DAGLB: variants seen among roughly 807,000 people sequenced by gnomAD.
DAGLB encodes the protein diacylglycerol lipase beta.
Under a neutral mutation model 72.1 loss-of-function variants are expected in DAGLB, and 66 were observed. The observed-to-expected ratio is 0.92, with a 90% CI of 0.75 to 1.12. DAGLB has a LOEUF of 1.12. Ranked by LOEUF, DAGLB falls within the 50% of genes most tolerant of loss-of-function variation. The pLI is 0.00. For synonymous variants in DAGLB, 414 were observed against 359.5 expected, an observed-to-expected ratio of 1.15 and a Z score of -1.71; for missense variants, 1,065 against 884.9, an observed-to-expected ratio of 1.20 and a Z score of -2.58.
At chr7:6,447,085 C>A (rs988146516) in intron 1 of DAGLB, among the ~76,000 whole-genome samples, 1 of 152,202 alleles carries the variant, frequency 6.6e-6, no homozygotes, top group Non-Finnish European at 1.5e-5. Flanking sequence ...GCAATCCTCC[C>A]GTCTCAGCCT....
chr7:6,441,951 C>T (rs1784848765), intron 2 of DAGLB, among the ~76,000 whole-genome samples: 1 of 152,082 alleles, frequency 6.6e-6, no homozygotes, highest in Admixed American at 6.6e-5. Flanking sequence ...CCTCCATCTC[C>T]TTGTGCTTCT....
At chr7:6,436,229 A>G (rs1231935215) in intron 3 of DAGLB, 133 bp downstream of exon 3, 1 of 1,143,360 alleles carries the variant, frequency 8.7e-7, no homozygotes, top group Non-Finnish European at 1.2e-6. Flanking sequence ...TTCATGAGTT[A>G]CGCAGAAACT....
chr7:6,413,831 T>C (rs1245047315), intron 11 of DAGLB, among the ~76,000 whole-genome samples: 5 of 152,090 alleles, frequency 3.3e-5, no homozygotes, highest in Admixed American at 3.3e-4. Context: ...TGTGTGCCAC[T>C]GCGGGGTCAT....
rs1583276763 is a variant in DAGLB at position 6,410,385 on chromosome 7, G to C, written c.1570-5C>G. The C allele has an allele frequency of 6.2e-7, 1 of 1,602,774 alleles. No individual in the cohort carries two copies. Among genetic ancestry groups the C allele is most frequent in the Non-Finnish European group, 8.5e-7 (1 of 1,172,864 alleles). On this transcript the variant is annotated splice_region_variant and splice_polypyrimidine_tract_variant and intron_variant, in intron 13 of 14. Coordinates refer to ENST00000297056, the MANE Select transcript of DAGLB (RefSeq NM_139179.4). ...ACCGTGCAGCAAGATCTTGTACTGA[G>C]GGCGAGACCCAATCAGTAGAATGCT...
chr7:6,421,760 C>G lies in DAGLB; in HGVS notation c.1185G>C (p.Val395=), dbSNP rs958843737. 5.6e-6 allele frequency: 9 copies of G among 1,613,166 alleles called. No homozygotes were observed. Among genetic ancestry groups the G allele is most frequent in the Non-Finnish European group, 6.8e-6 (8 of 1,179,598 alleles). The change falls in exon 9 of 15, where the codon GTG becomes GTC. Residue 395 remains valine (V), a synonymous_variant. Transcript: ENST00000297056. The part of the protein sequence containing the change: ...DLSAESEVLD[V]ECEVQDRLAH... ...CCAGGCGGTCCTGCACCTCACACTC[C>G]ACGTCCAGCACCTCACTCTCCGCTG...
At chr7:6,426,835 G>A (rs181377956) in intron 6 of DAGLB, among the ~76,000 whole-genome samples, 123 of 152,314 alleles carry the variant, frequency 8.1e-4, no homozygotes, top group Middle Eastern at 3.4e-3. Context: ...GAGGCCGGGC[G>A]TGGTGGCTGA....
intron 11 of DAGLB, among the ~76,000 whole-genome samples, chr7:6,414,382 G>A (rs965463462): frequency 4.0e-5 from 6 of 148,920 alleles, no homozygotes; most frequent in Non-Finnish European, 8.9e-5. Flanking sequence ...GCACGATCTC[G>A]GCTCACGGCA....
At chr7:6,414,004 T>C (rs1457960561) in intron 11 of DAGLB, among the ~76,000 whole-genome samples, 1 of 152,086 alleles carries the variant, frequency 6.6e-6, no homozygotes, top group Non-Finnish European at 1.5e-5. Context: ...ACCTCTGGGG[T>C]GACAGAAAGG....
rs1379478263 is a variant in DAGLB, at chr7:6,447,904, C to A, written c.-62G>T. 6 of 1,505,652 alleles carry A rather than the reference C, an allele frequency of 4.0e-6. No individual in the cohort carries two copies. In the African/African-American group the frequency reaches 5.6e-5, roughly 14 times the overall value. The allele number at this position is 1,505,652 out of a possible 1,614,324, so 93.3% of individuals were successfully genotyped here. A position where few individuals can be genotyped will look rare whatever the true frequency, so the allele number is the denominator to read the frequency against. On this transcript the variant is annotated 5_prime_UTR_variant, in exon 1 of 15. Transcript: ENST00000297056. ...CGCGCGCCGTTCACCGAGAACAAAC[C>A]AGCACCCTCCGGACGCCGCCACCAA...
intron 8 of DAGLB, among the ~76,000 whole-genome samples, chr7:6,424,476 G>A (rs1392955486): frequency 6.6e-6 from 1 of 152,200 alleles, no homozygotes; most frequent in Non-Finnish European, 1.5e-5. Flanking sequence ...AAGTTAGGCA[G>A]GGAGGGGTCA....
intron 11 of DAGLB, among the ~76,000 whole-genome samples, chr7:6,414,362 G>A (rs1783834155): frequency 6.6e-6 from 1 of 150,886 alleles, no homozygotes; most frequent in Admixed American, 6.6e-5. Flanking sequence ...ACCCAGACTG[G>A]AGTGCAGTGG....
chr7:6,430,248 TGC>T (rs1183970151), intron 6 of DAGLB, among the ~76,000 whole-genome samples: 4 of 89,742 alleles, frequency 4.5e-5, no homozygotes, highest in Non-Finnish European at 8.0e-5. Context: ...AAAATACATG[TGC>T]ATATATATAT....
At chr7:6,433,851 CAAAA>C (rs35042230) in intron 4 of DAGLB, among the ~76,000 whole-genome samples, 14 of 127,846 alleles carry the variant, frequency 1.1e-4, no homozygotes, top group Admixed American at 2.3e-4. Context: ...GACCTTGTCT[CAAAA>C]AAAAAAAAAA....
chr7:6,430,783 CA>C (rs1265956520), intron 5 of DAGLB, among the ~76,000 whole-genome samples, 176 bp from the exon 6 acceptor site: 1 of 151,048 alleles, frequency 6.6e-6, no homozygotes, highest in African/African-American at 2.4e-5. Flanking sequence ...ATGGACTCCT[CA>C]TTTTTTTTTT....
chr7:6,411,362 C>A (rs1170192850), intron 13 of DAGLB, among the ~76,000 whole-genome samples: 1 of 152,142 alleles, frequency 6.6e-6, no homozygotes, highest in Non-Finnish European at 1.5e-5. Context: ...TGGCTCACAC[C>A]TGTAATCCCA....
chr7:6,436,629 G>A, intron 2 of DAGLB, 96 bp from the exon 3 acceptor site: 2 of 1,508,230 alleles, frequency 1.3e-6, no homozygotes, highest in South Asian at 2.3e-5. Flanking sequence ...GCATACATTT[G>A]TACTGTGCAC....
chr7:6,426,326 G>A (rs111673595), intron 6 of DAGLB, among the ~76,000 whole-genome samples: 3 of 152,290 alleles, frequency 2.0e-5, no homozygotes, highest in African/African-American at 7.2e-5. Context: ...CTGGAGTACC[G>A]TGGTACAATC....
chr7:6,409,820 GT>G lies in DAGLB; in HGVS notation c.*16del. 1 of 1,611,018 alleles carries G rather than the reference GT, an allele frequency of 6.2e-7. No individual in the cohort carries two copies. The highest frequency in any genetic ancestry group is 1.1e-5 in the South Asian group (1 of 90,960). ...GCGTGAGTCCATCGTTCCTGGGACA[GT>G]TTCCAGTGGCCCTGGTCAGGCCACG... On this transcript the variant is annotated 3_prime_UTR_variant, in exon 15 of 15. Coordinates refer to ENST00000297056, the MANE Select transcript of DAGLB (RefSeq NM_139179.4).
At chr7:6,412,724 T>C (rs999591354) in intron 13 of DAGLB, 87 bp downstream of exon 13, 1 of 1,418,444 alleles carries the variant, frequency 7.0e-7, no homozygotes, top group African/African-American at 1.4e-5. Flanking sequence ...TGCCCTGCAC[T>C]GAGGGTGCAA....
Sources: gnomAD v4.1 joint callset for allele counts (sites outside exome capture counted in the v4.1 genomes callset) on GRCh38, gnomAD v4.1.1 for gene constraint, MANE v1.5 for transcripts, NCBI Gene and HGNC (gene_info 2026-07-23, HGNC 2026-07-21) for gene names.